Variants in RIMS1 observed in about 807,000 individuals in gnomAD.
RIMS1 encodes regulating synaptic membrane exocytosis 1, also known as regulating synaptic membrane exocytosis protein 1.
In RIMS1, 83 loss-of-function variants were observed where a neutral mutation model predicts 214.1. That is an observed-to-expected ratio of 0.39 (90% CI 0.32 to 0.47). The LOEUF is 0.47. RIMS1 is among the 20% of genes least tolerant of loss of function. The probability of loss-of-function intolerance (pLI) is 0.99; values close to 1 mark genes in which losing one functional copy is unlikely to be tolerated. For missense variants in RIMS1, 2,050 were observed against 2,161.8 expected, an observed-to-expected ratio of 0.95 and a Z score of 1.03; for synonymous variants, 793 against 786.8, an observed-to-expected ratio of 1.01 and a Z score of -0.13.
chr6:72,040,740 T>C (rs1821211585), intron 2 of RIMS1, among the ~76,000 whole-genome samples: 1 of 151,906 alleles, frequency 6.6e-6, no homozygotes, highest in African/African-American at 2.4e-5. Flanking sequence ...ATCTAAAAAA[T>C]AGTAGATTGT....
At chr6:72,382,500 G>A (rs574003800) in intron 29 of RIMS1, among the ~76,000 whole-genome samples, 1 of 152,264 alleles carries the variant, frequency 6.6e-6, no homozygotes, top group African/African-American at 2.4e-5. Context: ...TATATTGCAT[G>A]TAATACAAAC....
intron 2 of RIMS1, among the ~76,000 whole-genome samples, chr6:72,087,085 CA>C (rs1275801917): frequency 6.6e-6 from 1 of 152,168 alleles, no homozygotes; most frequent in Non-Finnish European, 1.5e-5. Flanking sequence ...GCTGTCCCTG[CA>C]GCTTCTTAAC....
At chr6:71,918,248 G>T (rs1466520443) in intron 1 of RIMS1, among the ~76,000 whole-genome samples, 2 of 152,124 alleles carry the variant, frequency 1.3e-5, no homozygotes, top group Non-Finnish European at 2.9e-5. Context: ...GCCAGTAGAG[G>T]AGATAGAGAG....
intron 24 of RIMS1, among the ~76,000 whole-genome samples, chr6:72,288,708 C>T (rs555366269): frequency 2.0e-5 from 3 of 152,264 alleles, no homozygotes; most frequent in East Asian, 3.9e-4. Context: ...TCTCTCTAAG[C>T]TCTGCATTTT....
intron 4 of RIMS1, among the ~76,000 whole-genome samples, chr6:72,112,027 A>G (rs1354059217): frequency 1.3e-5 from 2 of 152,204 alleles, no homozygotes; most frequent in Non-Finnish European, 2.9e-5. Flanking sequence ...TCTCAAATTT[A>G]ATGTGTAAAA....
At chr6:71,931,173 T>C (rs1782915855) in intron 1 of RIMS1, among the ~76,000 whole-genome samples, 4 of 151,972 alleles carry the variant, frequency 2.6e-5, no homozygotes, top group Admixed American at 2.0e-4. Flanking sequence ...TTATTTTGCA[T>C]TTAAAGCGGT....
At chr6:72,060,143 T>A (rs1215022290) in intron 2 of RIMS1, among the ~76,000 whole-genome samples, 7 of 151,808 alleles carry the variant, frequency 4.6e-5, no homozygotes, top group Admixed American at 2.6e-4. Context: ...ATTTATTTAT[T>A]TTTTAAGTAG....
rs201633126 is a variant in RIMS1 at position 72,307,824 on chromosome 6, ACT to A, written c.3963+457_3963+458del. 3.7e-3 allele frequency among the ~76,000 whole-genome samples: 560 copies of A among 151,796 alleles called. 15 individuals are homozygous for A. Among genetic ancestry groups the A allele is most frequent in the Admixed American group, 0.032 (479 of 15,198 alleles). ...TCTACCAAAGCCAAAAAAACAAAAA[ACT>A]CTTTCCTCTTGATATTTTCGTGTGA... On this transcript the variant is annotated intron_variant, in intron 27 of 33. Transcript: ENST00000521978.
intron 2 of RIMS1, among the ~76,000 whole-genome samples, chr6:71,999,311 T>C (rs1214268169): frequency 6.6e-6 from 1 of 152,140 alleles, no homozygotes; most frequent in Non-Finnish European, 1.5e-5. Flanking sequence ...TAAATACTAA[T>C]GATGATGACG....
chr6:72,282,940 T>TTC (rs2090866372), intron 23 of RIMS1, among the ~76,000 whole-genome samples: 3 of 152,064 alleles, frequency 2.0e-5, no homozygotes, highest in African/African-American at 7.2e-5. Context: ...ACACAATTTC[T>TTC]GGCGAAAGCG....
chr6:72,263,500 A>G lies in RIMS1; in HGVS notation c.3117-1475A>G, dbSNP rs560112600. On this transcript the variant is annotated intron_variant, in intron 19 of 33. Coordinates refer to ENST00000521978, the MANE Select transcript of RIMS1 (RefSeq NM_014989.7). ...CCAAGGCAGGAACTTGAACATTCAG[A>G]CTATAAATTTTGTGCTATTTTCTAG... is the stretch of plus-strand genomic sequence containing the variant. 2.7e-3 allele frequency: 2,687 copies of G among 984,494 alleles called. 3 individuals are homozygous for G. Among genetic ancestry groups the G allele is most frequent in the Non-Finnish European group, 3.0e-3 (2,527 of 829,154 alleles). The allele number at this position is 984,494 out of a possible 1,614,324, so 61.0% of individuals were successfully genotyped here.
intron 1 of RIMS1, among the ~76,000 whole-genome samples, chr6:71,928,668 C>G (rs2150868125): frequency 6.6e-6 from 1 of 151,916 alleles, no homozygotes; most frequent in East Asian, 1.9e-4. Context: ...TTTTCTTCAT[C>G]AAGTCCTTGA....
intron 1 of RIMS1, among the ~76,000 whole-genome samples, chr6:71,967,162 G>A (rs1394387437): frequency 6.6e-6 from 1 of 152,180 alleles, no homozygotes; most frequent in Non-Finnish European, 1.5e-5. Flanking sequence ...GCCAAGGCGG[G>A]TGGATCACGA....
At chr6:72,284,553 T>C (rs1454373298) in intron 24 of RIMS1, among the ~76,000 whole-genome samples, 1 of 152,186 alleles carries the variant, frequency 6.6e-6, no homozygotes, top group African/African-American at 2.4e-5. Flanking sequence ...TATATTCTAA[T>C]ATTCTACTGG....
At chr6:72,359,700 G>A (rs2097760574) in intron 29 of RIMS1, among the ~76,000 whole-genome samples, 1 of 152,134 alleles carries the variant, frequency 6.6e-6, no homozygotes, top group Non-Finnish European at 1.5e-5. Context: ...AACTAAATGT[G>A]TAAAATAGCA....
chr6:72,237,336 A>G (rs189491043), intron 8 of RIMS1, among the ~76,000 whole-genome samples: 4 of 152,256 alleles, frequency 2.6e-5, no homozygotes, highest in Admixed American at 2.6e-4. Flanking sequence ...GTCATCTCAA[A>G]TATGAGATGT....
At chr6:72,113,369 G>A (rs927951035) in intron 4 of RIMS1, among the ~76,000 whole-genome samples, 2 of 152,076 alleles carry the variant, frequency 1.3e-5, no homozygotes, top group African/African-American at 4.8e-5. Context: ...CTTGTGGCAT[G>A]GAATATGTCT....
At chr6:72,131,415 C>T (rs1327093844) in intron 4 of RIMS1, among the ~76,000 whole-genome samples, 2 of 151,982 alleles carry the variant, frequency 1.3e-5, no homozygotes, top group East Asian at 3.9e-4. Flanking sequence ...GGACAGAGTA[C>T]AAAAGAGAGA....
intron 6 of RIMS1, among the ~76,000 whole-genome samples, chr6:72,188,828 C>T (rs1181488426): frequency 1.3e-5 from 2 of 152,206 alleles, no homozygotes; most frequent in East Asian, 3.8e-4. Context: ...GTATTCCATG[C>T]ATACTTTTCC....
Sources: gnomAD v4.1 joint callset for allele counts (sites outside exome capture counted in the v4.1 genomes callset) on GRCh38, gnomAD v4.1.1 for gene constraint, MANE v1.5 for transcripts, NCBI Gene and HGNC (gene_info 2026-07-23, HGNC 2026-07-21) for gene names.